TLK2: variants seen among roughly 807,000 people sequenced by gnomAD.
TLK2 encodes the protein serine/threonine-protein kinase tousled-like 2.
Under a neutral mutation model 117.3 loss-of-function variants are expected in TLK2, and 6 were observed. That is an observed-to-expected ratio of 0.05 (90% CI 0.03 to 0.10). The LOEUF (loss-of-function observed/expected upper bound fraction) is 0.10. Among genes scored for constraint, TLK2 ranks in the 10% least tolerant of loss-of-function variants. The pLI is 1.00. For missense variants in TLK2, 299 were observed against 901.2 expected, an observed-to-expected ratio of 0.33 and a Z score of 8.56; for synonymous variants, 257 against 316.7, an observed-to-expected ratio of 0.81 and a Z score of 2.00.
chr17:62,496,192 C>G (rs1388010922), intron 2 of TLK2, among the ~76,000 whole-genome samples: 1 of 151,958 alleles, frequency 6.6e-6, no homozygotes, highest in African/African-American at 2.4e-5. Context: ...AACTATTGTG[C>G]ATTTTGCTTC....
intron 15 of TLK2, 74 bp from the exon 16 acceptor site, chr17:62,586,061 A>T: frequency 8.9e-7 from 1 of 1,126,610 alleles, no homozygotes; most frequent in Non-Finnish European, 1.3e-6. Context: ...GTTATATGTT[A>T]AATTAAAGCT....
chr17:62,471,614 G>A (rs1232303545), intron 1 of TLK2, among the ~76,000 whole-genome samples: 1 of 151,918 alleles, frequency 6.6e-6, no homozygotes, highest in Admixed American at 6.6e-5. Flanking sequence ...TGATTGGCAG[G>A]CTGGGCTAAC....
rs773236432 is a variant in TLK2 at position 62,596,575 on chromosome 17, T to G, written c.1461-10T>G. ...TATACCTTCTTGTTAATTTTCCCTTTTGTTTACAGGCATGCATGTAGGGAA... is the reference window on the plus strand; with the variant it reads ...TATACCTTCTTGTTAATTTTCCCTTGTGTTTACAGGCATGCATGTAGGGAA... On this transcript the variant is annotated splice_polypyrimidine_tract_variant and intron_variant, in intron 16 of 21. Transcript: ENST00000346027. 6.2e-7 allele frequency: 1 copy of G among 1,611,682 alleles called. No homozygotes were observed. Among genetic ancestry groups the G allele is most frequent in the East Asian group, 2.2e-5 (1 of 44,864 alleles).
chr17:62,471,819 G>A (rs565161031), intron 1 of TLK2, among the ~76,000 whole-genome samples: 1 of 147,044 alleles, frequency 6.8e-6, no homozygotes, highest in South Asian at 2.2e-4. Context: ...AGGAGGGGGA[G>A]CAGTCCTTTT....
chr17:62,568,327 C>T (rs1598639155), intron 11 of TLK2, among the ~76,000 whole-genome samples: 2 of 149,930 alleles, frequency 1.3e-5, no homozygotes, highest in Non-Finnish European at 3.0e-5. Context: ...AGCTACTCGG[C>T]AGGCTGAGGC....
chr17:62,572,215 T>C (rs958857851), intron 11 of TLK2, among the ~76,000 whole-genome samples: 1 of 145,934 alleles, frequency 6.9e-6, no homozygotes, highest in Non-Finnish European at 1.5e-5. Context: ...TCCACAAAAA[T>C]GAAGGTTGGT....
intron 16 of TLK2, among the ~76,000 whole-genome samples, chr17:62,595,895 A>G (rs1016258801): frequency 6.6e-6 from 1 of 152,170 alleles, no homozygotes; most frequent in Admixed American, 6.5e-5. Flanking sequence ...CCGAGCATAT[A>G]TACATTTACA....
chr17:62,496,170 G>T (rs2073662559), intron 2 of TLK2, among the ~76,000 whole-genome samples: 1 of 151,978 alleles, frequency 6.6e-6, no homozygotes, highest in South Asian at 2.1e-4. Flanking sequence ...AAAAATGCAA[G>T]TATATTATAT....
chr17:62,581,226 C>T (rs1368724004), intron 15 of TLK2, among the ~76,000 whole-genome samples: 1 of 152,166 alleles, frequency 6.6e-6, no homozygotes, highest in African/African-American at 2.4e-5. Context: ...AGGTCTCAAA[C>T]TTATGGGCTC....
In TLK2 at chr17:62,572,883, C is replaced by T. The variant is rs577805232; in HGVS notation, c.969-332C>T. 9.2e-4 allele frequency: 178 copies of T among 192,986 alleles called. No individual in the cohort carries two copies. In the Middle Eastern group the frequency reaches 0.011, roughly 11 times the overall value. 12.0% of individuals were successfully genotyped at this position (192,986 alleles called of 1,614,324 possible). A position where few individuals can be genotyped will look rare whatever the true frequency, so the allele number is the denominator to read the frequency against. ...CGATTTACTTTTAATGGGTTCAGAT[C>T]AGAGAATTGTTTCCTTAGCTGTTAA... On this transcript the variant is annotated intron_variant, in intron 11 of 21. Coordinates refer to ENST00000346027, the MANE Select transcript of TLK2 (RefSeq NM_006852.6).
rs565847409 is a variant in TLK2 at position 62,497,271 on chromosome 17, G to GA, written c.81+16075dup. ...GGTGACAGAGTGAGACCCTGTCTCA[G>GA]AAAAAAAAAATTCTGTGACTCAAAA... On this transcript the variant is annotated intron_variant, in intron 2 of 21. Transcript: ENST00000346027. Among the ~76,000 whole-genome samples the GA allele has an allele frequency of 1.3e-4, 20 of 149,726 alleles. No individual in the cohort carries two copies. The East Asian group carries it at 2.3e-3, about 18-fold the overall frequency.
upstream of TLK2, among the ~76,000 whole-genome samples, chr17:62,474,324 C>T (rs2070996948): frequency 2.0e-5 from 3 of 151,924 alleles, no homozygotes; most frequent in South Asian, 4.2e-4. Context: ...GTGATTCACC[C>T]GCTTCACCCT....
intron 1 of TLK2, among the ~76,000 whole-genome samples, chr17:62,472,504 C>A (rs2070960898): frequency 6.6e-6 from 1 of 151,758 alleles, no homozygotes; most frequent in African/African-American, 2.4e-5. Flanking sequence ...TTTGGGAGGC[C>A]AAGGTGGGTG....
In TLK2 at chr17:62,597,577, G is replaced by A. The variant is rs539318677; in HGVS notation, c.1550+903G>A. Among the ~76,000 whole-genome samples, 11 of 152,258 alleles carry A rather than the reference G, an allele frequency of 7.2e-5. No homozygotes were observed. In the East Asian group the frequency reaches 9.6e-4, roughly 13 times the overall value. On this transcript the variant is annotated intron_variant, in intron 17 of 21. Transcript: ENST00000346027. ...CAGACCTTTTTAAAAAGTACTGGCC[G>A]TGTGATTTTATCCTAGACTGAGATA...
chr17:62,525,451 ATT>A (rs397756034), intron 6 of TLK2, among the ~76,000 whole-genome samples: 118 of 139,336 alleles, frequency 8.5e-4, no homozygotes, highest in South Asian at 6.6e-3. Context: ...TATATATGTA[ATT>A]TTTTTTTTTT....
At chr17:62,478,754 C>CA (rs1324099572), upstream of TLK2, among the ~76,000 whole-genome samples, 2 of 14,802 alleles carry the variant, frequency 1.4e-4, no homozygotes, top group Non-Finnish European at 4.4e-3. Flanking sequence ...CCCCCCAGGA[C>CA]CCCCCCCGCC....
chr17:62,519,180 C>T (rs2145480845), intron 2 of TLK2, among the ~76,000 whole-genome samples: 1 of 152,284 alleles, frequency 6.6e-6, no homozygotes, highest in Non-Finnish European at 1.5e-5. Flanking sequence ...CCACTGCTCC[C>T]AGCCTGTTTT....
intron 3 of TLK2, 105 bp from the exon 4 acceptor site, chr17:62,522,099 C>T: frequency 8.4e-7 from 1 of 1,189,108 alleles, no homozygotes; most frequent in Non-Finnish European, 1.2e-6. Context: ...TTGTCTGGGC[C>T]AGTTATATCT....
intron 17 of TLK2, among the ~76,000 whole-genome samples, 177 bp downstream of exon 17, chr17:62,596,851 G>A (rs1418948800): frequency 6.6e-6 from 1 of 152,230 alleles, no homozygotes; most frequent in Non-Finnish European, 1.5e-5. Flanking sequence ...CTAGGCCAAA[G>A]GACATGTGCA....
Sources: gnomAD v4.1 joint callset for allele counts (sites outside exome capture counted in the v4.1 genomes callset) on GRCh38, gnomAD v4.1.1 for gene constraint, MANE v1.5 for transcripts, NCBI Gene and HGNC (gene_info 2026-07-23, HGNC 2026-07-21) for gene names.